Variants in SPECC1 observed in about 807,000 individuals in gnomAD.
SPECC1 encodes sperm antigen with calponin homology and coiled-coil domains 1.
SPECC1 carries 62 observed loss-of-function variants against 104.1 expected under a neutral mutation model. The observed-to-expected ratio is 0.60, with a 90% CI of 0.49 to 0.74. The LOEUF is 0.74. Among genes scored for constraint, SPECC1 ranks in the 30% least tolerant of loss-of-function variants. SPECC1 has a pLI of 0.00. For synonymous variants in SPECC1, 513 were observed against 501.6 expected, an observed-to-expected ratio of 1.02 and a Z score of -0.30; for missense variants, 1,306 against 1,310.5, an observed-to-expected ratio of 1.00 and a Z score of 0.05.
chr17:20,158,964 G>GTTTTTT (rs565445737), intron 3 of SPECC1, among the ~76,000 whole-genome samples: 2 of 143,602 alleles, frequency 1.4e-5, no homozygotes, highest in African/African-American at 5.1e-5. Context: ...TTTTGTTTTT[G>GTTTTTT]TTTTTTTTTT....
intron 1 of SPECC1, among the ~76,000 whole-genome samples, chr17:20,029,300 C>T (rs751505405): frequency 2.0e-5 from 3 of 151,964 alleles, no homozygotes; most frequent in Non-Finnish European, 4.4e-5. Flanking sequence ...TTTTCTTAAT[C>T]TCATTTTTGG....
chr17:20,312,584 C>T (rs551449130), intron 14 of SPECC1, among the ~76,000 whole-genome samples: 1 of 152,298 alleles, frequency 6.6e-6, no homozygotes, highest in Admixed American at 6.5e-5. Context: ...ATGCCCAATT[C>T]TTCATCAGTT....
intron 1 of SPECC1, among the ~76,000 whole-genome samples, chr17:20,041,166 C>T (rs1464815848): frequency 1.3e-5 from 2 of 152,108 alleles, no homozygotes; most frequent in East Asian, 1.9e-4. Flanking sequence ...TTGTCTGCCC[C>T]CTCCATTCTA....
intron 13 of SPECC1, among the ~76,000 whole-genome samples, chr17:20,301,274 A>G (rs560853265): frequency 7.2e-5 from 11 of 152,164 alleles, no homozygotes; most frequent in Admixed American, 5.2e-4. Context: ...ATTTCCTAAA[A>G]GTGTGTTAGA....
chr17:20,151,864 C>T (rs2032035224), intron 3 of SPECC1, among the ~76,000 whole-genome samples: 1 of 152,034 alleles, frequency 6.6e-6, no homozygotes, highest in African/African-American at 2.4e-5. Context: ...GCCTGACCAA[C>T]ATGGTGAAAC....
intron 3 of SPECC1, among the ~76,000 whole-genome samples, chr17:20,114,185 C>CTTTTTG (rs1322421814): frequency 6.6e-6 from 1 of 152,030 alleles, no homozygotes; most frequent in East Asian, 1.9e-4. Context: ...ACATTTTTTA[C>CTTTTTG]TTTTTGTTTT....
At chr17:20,094,682 T>A (rs890422252) in intron 1 of SPECC1, among the ~76,000 whole-genome samples, 1 of 151,962 alleles carries the variant, frequency 6.6e-6, no homozygotes, top group Non-Finnish European at 1.5e-5. Context: ...TCCTTTATTT[T>A]TTTTTTTTAT....
chr17:20,019,918 T>G (rs2044306252), intron 1 of SPECC1, among the ~76,000 whole-genome samples: 1 of 152,226 alleles, frequency 6.6e-6, no homozygotes, highest in African/African-American at 2.4e-5. Context: ...GTTGCCTCAT[T>G]GTGTATAATC....
chr17:20,091,110 G>C lies in SPECC1; in HGVS notation c.-21-5521G>C, dbSNP rs551104934. Among the ~76,000 whole-genome samples, 19 of 152,178 alleles carry C rather than the reference G, an allele frequency of 1.2e-4. No individual in the cohort carries two copies. The South Asian group carries it at 3.5e-3, about 28-fold the overall frequency. ...CACTTCTTTTTTTCCAGTGACTTCTGCTGATGGGATCAATGAATTTTACTT... is the reference window on the plus strand; with the variant it reads ...CACTTCTTTTTTTCCAGTGACTTCTCCTGATGGGATCAATGAATTTTACTT... On this transcript the variant is annotated intron_variant, in intron 1 of 14. Coordinates refer to ENST00000395527, the MANE Select transcript of SPECC1 (RefSeq NM_001243439.2).
intron 7 of SPECC1, among the ~76,000 whole-genome samples, chr17:20,243,072 C>T (rs892205691): frequency 6.6e-6 from 1 of 152,168 alleles, no homozygotes; most frequent in Non-Finnish European, 1.5e-5. Context: ...TGTGAGACTT[C>T]TGGAGAGTTG....
intron 4 of SPECC1, among the ~76,000 whole-genome samples, chr17:20,226,111 C>T (rs544891868): frequency 3.9e-5 from 6 of 152,178 alleles, no homozygotes; most frequent in Admixed American, 2.0e-4. Context: ...CCACCCCCAG[C>T]GCCAGATTAC....
At chr17:20,279,323 CT>C (rs548300449) in intron 12 of SPECC1, among the ~76,000 whole-genome samples, 106 of 113,728 alleles carry the variant, frequency 9.3e-4, no homozygotes, top group African/African-American at 2.1e-3. Context: ...TTTTTTTTTT[CT>C]TTTTTTTTTT....
intron 2 of SPECC1, among the ~76,000 whole-genome samples, chr17:20,097,085 C>T (rs2047684891): frequency 6.6e-6 from 1 of 152,198 alleles, no homozygotes; most frequent in Non-Finnish European, 1.5e-5. Flanking sequence ...CCAAGCACGG[C>T]CCTGGATAGG....
intron 14 of SPECC1, among the ~76,000 whole-genome samples, chr17:20,306,949 C>CAT (rs10628265): frequency 0.71 from 107,556 of 151,826 alleles, 39,876 homozygotes; most frequent in East Asian, 0.99. Flanking sequence ...ACTATTTAAA[C>CAT]ATGAAAGAGA....
intron 7 of SPECC1, among the ~76,000 whole-genome samples, chr17:20,242,578 G>A (rs2039250553): frequency 6.6e-6 from 1 of 152,162 alleles, no homozygotes; most frequent in African/African-American, 2.4e-5. Context: ...ATAAAGATAG[G>A]AACACTGAAA....
intron 1 of SPECC1, among the ~76,000 whole-genome samples, chr17:20,069,004 G>T (rs901852626): frequency 6.6e-6 from 1 of 152,132 alleles, no homozygotes; most frequent in Admixed American, 6.5e-5. Flanking sequence ...ACATGTGAAG[G>T]TTTATCACAT....
At chr17:20,186,595 C>T (rs2035296112) in intron 3 of SPECC1, among the ~76,000 whole-genome samples, 1 of 152,226 alleles carries the variant, frequency 6.6e-6, no homozygotes, top group African/African-American at 2.4e-5. Flanking sequence ...CAGGGTCTCA[C>T]TCCCATCGCT....
intron 3 of SPECC1, among the ~76,000 whole-genome samples, chr17:20,153,792 T>C (rs1046135540): frequency 6.6e-6 from 1 of 152,252 alleles, no homozygotes; most frequent in African/African-American, 2.4e-5. Flanking sequence ...TGTGTCACTC[T>C]TACCATGATC....
intron 3 of SPECC1, among the ~76,000 whole-genome samples, chr17:20,117,032 G>T (rs1460911458): frequency 6.6e-6 from 1 of 151,862 alleles, no homozygotes; most frequent in African/African-American, 2.4e-5. Flanking sequence ...TACTAATCAG[G>T]GGATTAACCT....
Sources: allele counts gnomAD v4.1 joint callset (sites outside exome capture counted in the v4.1 genomes callset), GRCh38; gene constraint gnomAD v4.1.1; transcripts MANE v1.5; gene names NCBI Gene and HGNC (gene_info 2026-07-23, HGNC 2026-07-21).